The following RAI1 variants were observed in gnomAD, a reference collection of about 807,000 sequenced individuals.
RAI1 encodes the protein retinoic acid-induced protein 1.
Under a neutral mutation model 123.8 loss-of-function variants are expected in RAI1, and 9 were observed. That is an observed-to-expected ratio of 0.07 (90% CI 0.04 to 0.13). The LOEUF (loss-of-function observed/expected upper bound fraction) is 0.13. Ranked by LOEUF, RAI1 falls within the 10% of genes least tolerant of loss-of-function variation. The pLI is 1.00. For missense variants in RAI1, 2,256 were observed against 2,545.8 expected, an observed-to-expected ratio of 0.89 and a Z score of 2.45; for synonymous variants, 1,231 against 1,127.3, an observed-to-expected ratio of 1.09 and a Z score of -1.84.
chr17:17,700,480 T>C (rs2142885668), intron 1 of RAI1, among the ~76,000 whole-genome samples: 1 of 152,144 alleles, frequency 6.6e-6, no homozygotes, highest in Non-Finnish European at 1.5e-5. Flanking sequence ...CTTCTCGTTC[T>C]TATGCTAATG....
chr17:17,741,914 G>A (rs1332690513), intron 2 of RAI1, among the ~76,000 whole-genome samples: 1 of 152,254 alleles, frequency 6.6e-6, no homozygotes, highest in African/African-American at 2.4e-5. Context: ...AGAACAGGAG[G>A]GAGATGGGTA....
intron 1 of RAI1, among the ~76,000 whole-genome samples, chr17:17,690,638 A>G (rs1474138463): frequency 1.3e-5 from 2 of 152,228 alleles, no homozygotes; most frequent in African/African-American, 4.8e-5. Context: ...CTGGGCACAG[A>G]ATAGTGTGCT....
intron 3 of RAI1, among the ~76,000 whole-genome samples, chr17:17,802,945 A>G (rs2032506455): frequency 6.6e-6 from 1 of 151,538 alleles, no homozygotes; most frequent in African/African-American, 2.4e-5. Flanking sequence ...TTAGCTGGGC[A>G]TGGCAGCACA....
chr17:17,794,428 G>A lies in RAI1; in HGVS notation c.1480G>A (p.Gly494Ser). The change falls in exon 3 of 6, where the codon GGC becomes AGC. Residue 494 changes from glycine (G) to serine (S), a missense_variant. Gly to Ser is a moderately conservative substitution (Grantham distance 56, BLOSUM62 0). Transcript: ENST00000353383. Reference sequence around the variant, plus strand: ...GAGCGGCTACTCAGCCGAGCCCGCAGGCACACCGCTGTCAGAGCCGCCGAG... The same window carrying A: ...GAGCGGCTACTCAGCCGAGCCCGCAAGCACACCGCTGTCAGAGCCGCCGAG... ...EGSGYSAEPA[G>S]TPLSEPPSST... 1 of 1,612,956 alleles carries A rather than the reference G, an allele frequency of 6.2e-7. No individual in the cohort carries two copies. The highest frequency in any genetic ancestry group is 1.3e-5 in the African/African-American group (1 of 75,064).
intron 1 of RAI1, among the ~76,000 whole-genome samples, chr17:17,712,508 G>A (rs1915595784): frequency 6.6e-6 from 1 of 152,246 alleles, no homozygotes; most frequent in Non-Finnish European, 1.5e-5. Context: ...GAGACTGTGG[G>A]CTGTGGTATA....
chr17:17,723,091 G>T (rs1431115082), intron 1 of RAI1, among the ~76,000 whole-genome samples: 1 of 151,972 alleles, frequency 6.6e-6, no homozygotes, highest in Non-Finnish European at 1.5e-5. Context: ...CAGCCCCACG[G>T]CCCCACACAC....
At chr17:17,761,558 A>C (rs745430431) in intron 2 of RAI1, among the ~76,000 whole-genome samples, 3 of 152,150 alleles carry the variant, frequency 2.0e-5, no homozygotes, top group Non-Finnish European at 4.4e-5. Context: ...ATCAGTTGGA[A>C]AGTCACAGTG....
chr17:17,689,695 AT>A (rs1914771865), intron 1 of RAI1, among the ~76,000 whole-genome samples: 1 of 152,202 alleles, frequency 6.6e-6, no homozygotes, highest in South Asian at 2.1e-4. Context: ...TAGCCAAGTT[AT>A]TTATCTCCTT....
At chr17:17,747,418 A>G (rs982915107) in intron 2 of RAI1, among the ~76,000 whole-genome samples, 2 of 152,182 alleles carry the variant, frequency 1.3e-5, no homozygotes, top group Admixed American at 6.5e-5. Flanking sequence ...GGAGGCTGCA[A>G]TTAGTGGCAG....
At chr17:17,775,760 G>C (rs771133607) in intron 2 of RAI1, among the ~76,000 whole-genome samples, 1 of 152,124 alleles carries the variant, frequency 6.6e-6, no homozygotes, top group African/African-American at 2.4e-5. Flanking sequence ...GTGGTGGAGG[G>C]GGAGGCAGGA....
intron 2 of RAI1, among the ~76,000 whole-genome samples, chr17:17,729,858 A>G (rs1916213356): frequency 6.6e-6 from 1 of 152,166 alleles, no homozygotes. Flanking sequence ...TAGGGGGCAA[A>G]GATGCTCACT....
At chr17:17,727,059 G>A (rs1895908855) in intron 2 of RAI1, among the ~76,000 whole-genome samples, 2 of 152,190 alleles carry the variant, frequency 1.3e-5, no homozygotes, top group Admixed American at 1.3e-4. Context: ...GATATATTTT[G>A]TATAGCTTTT....
At chr17:17,717,746 C>T (rs769790932) in intron 1 of RAI1, among the ~76,000 whole-genome samples, 6 of 152,118 alleles carry the variant, frequency 3.9e-5, no homozygotes, top group Non-Finnish European at 8.8e-5. Flanking sequence ...CAGACGCTGG[C>T]GCTGAGGAAG....
rs146439894 is a variant in RAI1, at chr17:17,741,819, G to A, written c.-17+17660G>A. 1.8e-4 allele frequency among the ~76,000 whole-genome samples: 28 copies of A among 152,368 alleles called. No individual in the cohort carries two copies. In the East Asian group the frequency reaches 5.0e-3, roughly 27 times the overall value. On this transcript the variant is annotated intron_variant, in intron 2 of 5. Coordinates refer to ENST00000353383, the MANE Select transcript of RAI1 (RefSeq NM_030665.4). The stretch of plus-strand genomic sequence containing the variant: ...CCACATCCAGGGTGCTGGGCCTGTC[G>A]GCCAGGGCCAAGCTCACGGCCGTTG...
Position 17,798,255 on chromosome 17 carries a change from G to C in RAI1, c.5307G>C (p.Leu1769=), listed in dbSNP as rs369789562. Residue 1769 remains leucine (L), a synonymous_variant, in exon 3 of 6, where the codon CTG becomes CTC. Coordinates refer to ENST00000353383, the MANE Select transcript of RAI1 (RefSeq NM_030665.4). ...CTGACCCGGCCAAGCAGGGCCCACT[G>C]CGCACCAGTGCCCGGGGCCTGTCCC... ...GPADPAKQGP[L]RTSARGLSRR... is the part of the protein sequence containing the mutation. 1.1e-5 allele frequency: 17 copies of C among 1,605,312 alleles called. No individual in the cohort carries two copies. Among genetic ancestry groups the C allele is most frequent in the Admixed American group, 5.1e-5 (3 of 59,166 alleles).
chr17:17,701,047 C>G (rs775344583), intron 1 of RAI1, among the ~76,000 whole-genome samples: 1 of 152,198 alleles, frequency 6.6e-6, no homozygotes, highest in Admixed American at 6.5e-5. Context: ...GCAACAAAGA[C>G]CCCTCTCCCT....
At chr17:17,720,144 C>G (rs572540340) in intron 1 of RAI1, among the ~76,000 whole-genome samples, 1 of 152,314 alleles carries the variant, frequency 6.6e-6, no homozygotes, top group East Asian at 1.9e-4. Flanking sequence ...GTCCCCAGCC[C>G]TCTACCCACC....
At chr17:17,719,701 A>C (rs1915816353) in intron 1 of RAI1, among the ~76,000 whole-genome samples, 1 of 152,186 alleles carries the variant, frequency 6.6e-6, no homozygotes, top group Non-Finnish European at 1.5e-5. Context: ...AACACATAGA[A>C]TGGAGCCTGG....
At chr17:17,700,273 A>G (rs1915173329) in intron 1 of RAI1, among the ~76,000 whole-genome samples, 1 of 152,036 alleles carries the variant, frequency 6.6e-6, no homozygotes, top group Non-Finnish European at 1.5e-5. Context: ...TGGCTCTCGG[A>G]CGCAGCCTGG....
Sources: allele counts gnomAD v4.1 joint callset (sites outside exome capture counted in the v4.1 genomes callset), GRCh38; gene constraint gnomAD v4.1.1; transcripts MANE v1.5; gene names NCBI Gene and HGNC (gene_info 2026-07-23, HGNC 2026-07-21).